SLC43A1: variants seen among roughly 807,000 people sequenced by gnomAD.
SLC43A1 encodes large neutral amino acids transporter small subunit 3.
SLC43A1 carries 31 observed loss-of-function variants against 59.5 expected under a neutral mutation model. The ratio of observed to expected loss-of-function variants is 0.52; its 90% CI spans 0.39 to 0.70. The LOEUF is 0.70. Among genes scored for constraint, SLC43A1 ranks in the 30% least tolerant of loss-of-function variants. The pLI is 0.00. For synonymous variants in SLC43A1, 259 were observed against 290.9 expected (o/e 0.89, Z 1.12); for missense variants, 598 against 717.8 (o/e 0.83, Z 1.91).
At chr11:57,492,851 C>A (rs1943976094) in intron 8 of SLC43A1, among the ~76,000 whole-genome samples, 1 of 150,966 alleles carries the variant, frequency 6.6e-6, no homozygotes, top group Non-Finnish European at 1.5e-5. Flanking sequence ...ACCAGCCTGG[C>A]CAACATGGTG....
Position 57,514,963 on chromosome 11 carries a change from C to G in SLC43A1, c.-14+481G>C, listed in dbSNP as rs890809527. ...GGGAGGGAAAGAGCCCCAGCTCCCCCCGCCGCGGCCGCTGCAGCCTCGGCG... is the reference window on the plus strand; with the variant it reads ...GGGAGGGAAAGAGCCCCAGCTCCCCGCGCCGCGGCCGCTGCAGCCTCGGCG... On this transcript the variant is annotated intron_variant, in intron 1 of 14. Coordinates refer to ENST00000278426, the MANE Select transcript of SLC43A1 (RefSeq NM_003627.6). The surrounding 1 kb of genome is among the most constrained non-coding windows in gnomAD (Gnocchi z 5.5). 4.9e-5 allele frequency: 48 copies of G among 974,466 alleles called. No homozygotes were observed. The highest frequency in any genetic ancestry group is 2.1e-4 in the African/African-American group (12 of 56,962). The allele number at this position is 974,466 out of a possible 1,614,324, so 60.4% of individuals were successfully genotyped here.
intron 2 of SLC43A1, among the ~76,000 whole-genome samples, chr11:57,503,802 CA>C (rs1261052098): frequency 6.6e-6 from 1 of 152,156 alleles, no homozygotes; most frequent in Non-Finnish European, 1.5e-5. Flanking sequence ...GCTCTGCTGG[CA>C]ATGTTGACCC....
At chr11:57,496,406 T>A (rs375687778) in intron 6 of SLC43A1, among the ~76,000 whole-genome samples, 6 of 152,338 alleles carry the variant, frequency 3.9e-5, no homozygotes, top group African/African-American at 1.4e-4. Context: ...AAGCCTGAAG[T>A]TGCTGGCCAC....
rs1480306700 is a variant in SLC43A1, at chr11:57,494,235, G to A, written c.693-64C>T. 4 of 1,510,170 alleles carry A rather than the reference G, an allele frequency of 2.6e-6. No homozygotes were observed. In the African/African-American group the frequency reaches 5.6e-5, roughly 21 times the overall value. 93.5% of individuals were successfully genotyped at this position (1,510,170 alleles called of 1,614,324 possible). A position where few individuals can be genotyped will look rare whatever the true frequency, so the allele number is the denominator to read the frequency against. The stretch of plus-strand genomic sequence containing the variant: ...CACAGAGCCCACCTTCAACGGCCTA[G>A]TGCTCGGCGGCCATCCCAGCGGTTT... On this transcript the variant is annotated intron_variant, in intron 7 of 14. Coordinates refer to ENST00000278426, the MANE Select transcript of SLC43A1 (RefSeq NM_003627.6).
chr11:57,491,944 GGA>G, intron 8 of SLC43A1, 82 bp from the exon 9 acceptor site: 2 of 1,340,618 alleles, frequency 1.5e-6, no homozygotes, highest in Non-Finnish European at 2.1e-6. Flanking sequence ...GTTCTTGGGG[GGA>G]GTGACACTAA....
intron 2 of SLC43A1, among the ~76,000 whole-genome samples, chr11:57,503,474 C>A (rs949973896): frequency 4.6e-5 from 7 of 151,938 alleles, no homozygotes; most frequent in African/African-American, 1.7e-4. Context: ...CAGGTGCATG[C>A]CACCACACCT....
intron 6 of SLC43A1, among the ~76,000 whole-genome samples, chr11:57,496,542 A>ACTTAGTGCT (rs1439519566): frequency 2.0e-5 from 3 of 152,206 alleles, no homozygotes; most frequent in Admixed American, 1.3e-4. Context: ...TACAAAGGAA[A>ACTTAGTGCT]CTTAGTGCTC....
chr11:57,487,172 T>C lies in SLC43A1; in HGVS notation c.1456A>G (p.Ile486Val), dbSNP rs368515308. 55 of 1,613,948 alleles carry C rather than the reference T, an allele frequency of 3.4e-5. No individual in the cohort carries two copies. The highest frequency in any genetic ancestry group is 4.7e-5 in the Non-Finnish European group (55 of 1,179,972). Residue 486 changes from isoleucine (I) to valine (V), a missense_variant, in exon 14 of 15, where the codon ATC becomes GTC. Physicochemically the swap from Ile to Val is conservative, Grantham distance 29 (BLOSUM62 3). Coordinates refer to ENST00000278426, the MANE Select transcript of SLC43A1 (RefSeq NM_003627.6). ...FGTLTGLQSLISAVFALLQQP... is the reference protein window; with the variant it reads ...FGTLTGLQSLVSAVFALLQQP... ...TGAAGCAAGGCGAACACAGCACTGA[T>C]GAGGGACTGCAGGCCTGTCAGCGTC...
At chr11:57,488,502 C>T (rs919901047) in intron 13 of SLC43A1, among the ~76,000 whole-genome samples, 1 of 152,154 alleles carries the variant, frequency 6.6e-6, no homozygotes, top group Non-Finnish European at 1.5e-5. Flanking sequence ...CCTGTTACTC[C>T]ATCACATACA....
intron 2 of SLC43A1, among the ~76,000 whole-genome samples, chr11:57,513,436 C>T (rs1395825218): frequency 6.6e-6 from 1 of 152,232 alleles, no homozygotes; most frequent in African/African-American, 2.4e-5. Flanking sequence ...CTCCCAGCTT[C>T]GGGGCCACTC....
At chr11:57,509,770 T>A (rs950712722) in intron 2 of SLC43A1, among the ~76,000 whole-genome samples, 2 of 151,878 alleles carry the variant, frequency 1.3e-5, no homozygotes, top group African/African-American at 4.8e-5. Context: ...CAGGTGTAAA[T>A]CTTTGTGACC....
intron 11 of SLC43A1, among the ~76,000 whole-genome samples, chr11:57,490,351 C>A (rs1943864213): frequency 6.6e-6 from 1 of 151,344 alleles, no homozygotes; most frequent in Non-Finnish European, 1.5e-5. Flanking sequence ...CTCCAGCCAA[C>A]AAGACAGCCC....
chr11:57,491,214 G>A lies in SLC43A1; in HGVS notation c.1193+10C>T. The A allele has an allele frequency of 6.4e-7, 1 of 1,550,552 alleles. No individual in the cohort carries two copies. Among genetic ancestry groups the A allele is most frequent in the Non-Finnish European group, 8.7e-7 (1 of 1,146,460 alleles). On this transcript the variant is annotated intron_variant, in intron 11 of 14. Transcript: ENST00000278426. ...CACTTGCTGTCACCATCCCTGTACA[G>A]GCAGGTCACCTGGCATCTCCGAGGA...
At position 57,491,216 on chromosome 11, in the gene SLC43A1, C is replaced by A. The variant is rs979280544; in HGVS notation, c.1193+8G>T. On this transcript the variant is annotated splice_region_variant and intron_variant, in intron 11 of 14. Transcript: ENST00000278426. The stretch of plus-strand genomic sequence containing the variant: ...CTTGCTGTCACCATCCCTGTACAGG[C>A]AGGTCACCTGGCATCTCCGAGGACA... 2.6e-6 allele frequency: 4 copies of A among 1,551,188 alleles called. No homozygotes were observed. The highest frequency in any genetic ancestry group is 3.5e-6 in the Non-Finnish European group (4 of 1,146,656).
chr11:57,499,946 G>T (rs1944208331), intron 5 of SLC43A1, among the ~76,000 whole-genome samples: 1 of 152,192 alleles, frequency 6.6e-6, no homozygotes, highest in Non-Finnish European at 1.5e-5. Flanking sequence ...TTAGAGCTGT[G>T]AAATGTCCCC....
rs943542752 is a variant in SLC43A1 at position 57,496,046 on chromosome 11, T to C, written c.677A>G (p.Glu226Gly). The change falls in exon 7 of 15, where the codon GAG (glutamate) becomes GGG (glycine). Residue 226 changes from glutamate (E) to glycine (G), a missense_variant. By Grantham distance (98) the Glu-to-Gly change is moderately conservative. Coordinates refer to ENST00000278426, the MANE Select transcript of SLC43A1 (RefSeq NM_003627.6). ...NWPIEAFPAP[E>G]EVNYTKKIKL... ...AGCCACTCACGTGTAATTGACTTCC[T>C]CAGGGGCAGGAAAGGCTTCGATGGG... is the stretch of plus-strand genomic sequence containing the variant. 3.7e-6 allele frequency: 6 copies of C among 1,613,904 alleles called. No individual in the cohort carries two copies. The African/African-American group carries it at 5.3e-5, about 14-fold the overall frequency.
At chr11:57,492,517 A>T (rs1457785955) in intron 8 of SLC43A1, among the ~76,000 whole-genome samples, 10 of 125,626 alleles carry the variant, frequency 8.0e-5, no homozygotes, top group African/African-American at 2.5e-4. Context: ...ATATAATAAT[A>T]TAATATATAT....
At chr11:57,491,419 A>AC (rs886841104) in intron 10 of SLC43A1, 57 bp from the exon 11 acceptor site, 1 of 1,563,618 alleles carries the variant, frequency 6.4e-7, no homozygotes, top group African/African-American at 1.4e-5. Flanking sequence ...GGACACTATC[A>AC]CCCCTTCCAG....
chr11:57,491,772 T>G lies in SLC43A1; in HGVS notation c.962A>C (p.Tyr321Ser). 1.2e-6 allele frequency: 2 copies of G among 1,614,220 alleles called. No individual in the cohort carries two copies. The highest frequency in any genetic ancestry group is 1.3e-5 in the African/African-American group (1 of 75,056). ...MGMTQLRIIF[Y>S]MAAVNKMLEY... is the part of the protein sequence containing the mutation. ...CAGCATCTTGTTCACAGCAGCCATG[T>G]AGAAGATGATCCGCAGCTGGGTCAT... The change falls in exon 9 of 15, where the codon TAC becomes TCC. Residue 321 changes from tyrosine to serine, a missense_variant. Transcript: ENST00000278426.
Sources: gnomAD v4.1 joint callset for allele counts (sites outside exome capture counted in the v4.1 genomes callset) on GRCh38, gnomAD v4.1.1 for gene constraint, Gnocchi (gnomAD v3.1) non-coding constraint, MANE v1.5 for transcripts, NCBI Gene and HGNC (gene_info 2026-07-23, HGNC 2026-07-21) for gene names.